The following IQGAP2 variants were observed in gnomAD, a reference collection of about 807,000 sequenced individuals.
The protein encoded by IQGAP2 is ras GTPase-activating-like protein IQGAP2.
Under a neutral mutation model 201.3 loss-of-function variants are expected in IQGAP2, and 173 were observed. That is an observed-to-expected ratio of 0.86 (90% CI 0.76 to 0.98). The LOEUF is 0.98. IQGAP2 is among the 50% of genes least tolerant of loss of function. The probability of loss-of-function intolerance (pLI) is 0.00; values close to 1 mark genes in which losing one functional copy is unlikely to be tolerated. For missense variants in IQGAP2, 1,687 were observed against 1,864.8 expected, an observed-to-expected ratio of 0.90 and a Z score of 1.76; for synonymous variants, 675 against 673.9, an observed-to-expected ratio of 1.00 and a Z score of -0.03.
At chr5:76,674,832 T>C (rs2150493239) in intron 27 of IQGAP2, 123 bp downstream of exon 27, 1 of 689,862 alleles carries the variant, frequency 1.4e-6, no homozygotes, top group East Asian at 2.7e-5. Context: ...CAAGCATTTC[T>C]TCTACCAGCC....
chr5:76,534,534 A>C (rs932633296), intron 2 of IQGAP2, among the ~76,000 whole-genome samples: 1 of 152,248 alleles, frequency 6.6e-6, no homozygotes, highest in African/African-American at 2.4e-5. Context: ...TATCAGATTT[A>C]ATAGTTAAGT....
intron 2 of IQGAP2, among the ~76,000 whole-genome samples, chr5:76,471,846 C>T (rs1483443857): frequency 2.6e-5 from 4 of 152,038 alleles, no homozygotes; most frequent in Non-Finnish European, 5.9e-5. Flanking sequence ...TTGGAATTTC[C>T]AGGGAAATAT....
At chr5:76,416,675 A>G (rs1751422776) in intron 1 of IQGAP2, among the ~76,000 whole-genome samples, 1 of 152,020 alleles carries the variant, frequency 6.6e-6, no homozygotes, top group South Asian at 2.1e-4. Context: ...CTACAGGCGC[A>G]TGCCACCACG....
intron 30 of IQGAP2, among the ~76,000 whole-genome samples, chr5:76,687,048 C>T (rs1745845347): frequency 6.6e-6 from 1 of 152,186 alleles, no homozygotes; most frequent in African/African-American, 2.4e-5. Flanking sequence ...CGGAAGTCCT[C>T]CAACTTCTTT....
chr5:76,428,790 T>TAAA (rs11370155), intron 1 of IQGAP2, among the ~76,000 whole-genome samples: 2 of 144,128 alleles, frequency 1.4e-5, no homozygotes, highest in South Asian at 2.2e-4. Flanking sequence ...CCAACTTACT[T>TAAA]AAAAAAAAAA....
chr5:76,501,852 C>T (rs967730786), intron 2 of IQGAP2, among the ~76,000 whole-genome samples: 2 of 151,610 alleles, frequency 1.3e-5, no homozygotes, highest in East Asian at 1.9e-4. Flanking sequence ...CATGTTGGTC[C>T]GGGTGGTCTC....
rs117392368 is a variant in IQGAP2 at position 76,597,919 on chromosome 5, A to T, written c.1071+317A>T. Among the ~76,000 whole-genome samples, 794 of 152,138 alleles carry T rather than the reference A, an allele frequency of 5.2e-3. 4 individuals are homozygous for T. The highest frequency in any genetic ancestry group is 0.016 in the East Asian group (82 of 5,184). On this transcript the variant is annotated intron_variant, in intron 10 of 35. Transcript: ENST00000274364. ...TAAATTTTAGCTATACCGATGTGGT[A>T]TTTTTTTTACAATATATAATGTTTT...
intron 23 of IQGAP2, 116 bp downstream of exon 23, chr5:76,668,960 A>G: frequency 1.7e-6 from 1 of 596,026 alleles, no homozygotes; most frequent in Non-Finnish European, 2.7e-6. Context: ...CCCACATATT[A>G]AAATATATCA....
intron 11 of IQGAP2, among the ~76,000 whole-genome samples, chr5:76,604,322 T>TC (rs1027396677): frequency 1.3e-5 from 2 of 151,922 alleles, no homozygotes; most frequent in Non-Finnish European, 2.9e-5. Context: ...CCTTTTTTTT[T>TC]ATGGCTGCAT....
At chr5:76,481,103 G>T (rs774119388) in intron 2 of IQGAP2, among the ~76,000 whole-genome samples, 1 of 152,008 alleles carries the variant, frequency 6.6e-6, no homozygotes, top group Non-Finnish European at 1.5e-5. Context: ...ATCTCCTAAA[G>T]GATCCACCTC....
At chr5:76,701,523 C>T (rs1747387796) in intron 34 of IQGAP2, among the ~76,000 whole-genome samples, 1 of 152,180 alleles carries the variant, frequency 6.6e-6, no homozygotes, top group Non-Finnish European at 1.5e-5. Context: ...GAATTATCTA[C>T]CATTGCAAAA....
chr5:76,640,305 A>T (rs1416272397), intron 16 of IQGAP2, among the ~76,000 whole-genome samples: 1 of 152,144 alleles, frequency 6.6e-6, no homozygotes, highest in Non-Finnish European at 1.5e-5. Flanking sequence ...TGCATCTCTC[A>T]TCGGGCATAA....
chr5:76,532,551 T>C (rs1030082077), intron 2 of IQGAP2, among the ~76,000 whole-genome samples: 2 of 152,150 alleles, frequency 1.3e-5, no homozygotes, highest in African/African-American at 4.8e-5. Flanking sequence ...CCTCCTATCC[T>C]GTAGGCGTGG....
At chr5:76,590,337 G>T in intron 7 of IQGAP2, 71 bp from the exon 8 acceptor site, 2 of 1,174,158 alleles carry the variant, frequency 1.7e-6, no homozygotes, top group South Asian at 1.6e-5. Context: ...AGTTTACACA[G>T]GGTCAATGCA....
chr5:76,590,405 T>C lies in IQGAP2; in HGVS notation c.641-3T>C. The C allele has an allele frequency of 6.3e-7, 1 of 1,583,994 alleles. No homozygotes were observed. The highest frequency in any genetic ancestry group is 8.6e-7 in the Non-Finnish European group (1 of 1,165,888). On this transcript the variant is annotated splice_region_variant and splice_polypyrimidine_tract_variant and intron_variant, in intron 7 of 35. Coordinates refer to ENST00000274364, the MANE Select transcript of IQGAP2 (RefSeq NM_006633.5). ...TTTTTCTCTCTCTCTCTTTACTTTT[T>C]AGTACATGCTGCAGTTATAGCCATT...
At chr5:76,606,892 C>G (rs1747847087) in intron 12 of IQGAP2, 1 of 152,168 alleles carries the variant, frequency 6.6e-6, no homozygotes, top group South Asian at 2.1e-4. Context: ...GAATGAGGAG[C>G]TATGTAGCTT....
intron 2 of IQGAP2, among the ~76,000 whole-genome samples, chr5:76,476,188 A>T (rs1755413749): frequency 6.6e-6 from 1 of 152,072 alleles, no homozygotes; most frequent in African/African-American, 2.4e-5. Flanking sequence ...GAGGAGTGTT[A>T]CCAAGGTCAT....
intron 13 of IQGAP2, among the ~76,000 whole-genome samples, chr5:76,626,762 G>C (rs1750275903): frequency 6.6e-6 from 1 of 152,158 alleles, no homozygotes; most frequent in South Asian, 2.1e-4. Flanking sequence ...CACAATAATT[G>C]ATTGAGGGAG....
At chr5:76,513,883 C>G (rs1269971919) in intron 2 of IQGAP2, among the ~76,000 whole-genome samples, 2 of 151,834 alleles carry the variant, frequency 1.3e-5, no homozygotes, top group African/African-American at 4.9e-5. Flanking sequence ...ATTGGCTCAT[C>G]CATTGTAACA....
Sources: allele counts gnomAD v4.1 joint callset (sites outside exome capture counted in the v4.1 genomes callset), GRCh38; gene constraint gnomAD v4.1.1; transcripts MANE v1.5; gene names NCBI Gene and HGNC (gene_info 2026-07-23, HGNC 2026-07-21).